Variants in HIVEP3 observed in about 807,000 individuals in gnomAD.
HIVEP3 encodes the protein transcription factor HIVEP3.
A neutral mutation model predicts 152.8 loss-of-function variants in HIVEP3; 49 were observed. The ratio of observed to expected loss-of-function variants is 0.32; its 90% confidence interval spans 0.26 to 0.41. The LOEUF (loss-of-function observed/expected upper bound fraction) is 0.41. Among genes scored for constraint, HIVEP3 ranks in the 10% least tolerant of loss-of-function variants. The probability of loss-of-function intolerance (pLI) is 1.00; values close to 1 mark genes in which losing one functional copy is unlikely to be tolerated. For missense variants in HIVEP3, 2,790 were observed against 3,103.3 expected, an observed-to-expected ratio of 0.90 and a Z score of 2.40; for synonymous variants, 1,269 against 1,289.0, an observed-to-expected ratio of 0.98 and a Z score of 0.33.
intron 1 of HIVEP3, among the ~76,000 whole-genome samples, chr1:41,881,508 G>GT (rs1230804457): frequency 6.6e-6 from 1 of 152,110 alleles, no homozygotes; most frequent in East Asian, 1.9e-4. Context: ...AAATTTTCTG[G>GT]TAAATACATA....
chr1:41,951,055 G>T (rs1645103883), intron 1 of HIVEP3, among the ~76,000 whole-genome samples: 1 of 152,204 alleles, frequency 6.6e-6, no homozygotes, highest in African/African-American at 2.4e-5. Flanking sequence ...TCCTGACTGT[G>T]CTGGAAATCC....
intron 3 of HIVEP3, among the ~76,000 whole-genome samples, chr1:41,612,913 C>A (rs1290570831): frequency 2.0e-5 from 3 of 152,186 alleles, no homozygotes; most frequent in Non-Finnish European, 2.9e-5. Flanking sequence ...ACCGATAAAC[C>A]ATGTTTCTTG....
In HIVEP3 at chr1:41,674,613, G is replaced by C. The variant is rs115130262; in HGVS notation, c.-721+26303C>G. Among the ~76,000 whole-genome samples, 193 of 152,258 alleles carry C rather than the reference G, an allele frequency of 1.3e-3. 1 individual carries two copies. Among genetic ancestry groups the C allele is most frequent in the South Asian group, 4.1e-3 (20 of 4,828 alleles). ...TTTGCAGTAGATCTGCCCGTCGATG[G>C]GTTTCCTATAATGGCCTATTCACAG... On this transcript the variant is annotated intron_variant, in intron 2 of 8. Coordinates refer to ENST00000372583, the MANE Select transcript of HIVEP3 (RefSeq NM_024503.5).
rs1340291689 is a variant in HIVEP3 at position 41,508,632 on chromosome 1, C to T, written c.*1819G>A. 1.3e-5 allele frequency: 2 copies of T among 152,420 alleles called. No individual in the cohort carries two copies. Among genetic ancestry groups the T allele is most frequent in the East Asian group, 1.9e-4 (1 of 5,198 alleles). 9.4% of individuals were successfully genotyped at this position (152,420 alleles called of 1,614,324 possible). On this transcript the variant is annotated 3_prime_UTR_variant, in exon 9 of 9. Transcript: ENST00000372583. The stretch of plus-strand genomic sequence containing the variant: ...GCAGGCTGGACTGTGGCTGGTTTGT[C>T]TGTCTAGTAGGGACCAAGCAGGGAA...
At position 41,662,562 on chromosome 1, in the gene HIVEP3, G is replaced by A. The variant is rs1395273447; in HGVS notation, c.-720-33615C>T. Among the ~76,000 whole-genome samples the A allele has an allele frequency of 1.3e-5, 2 of 151,008 alleles. No homozygotes were observed. The highest frequency in any genetic ancestry group is 3.0e-5 in the Non-Finnish European group (2 of 67,574). Reference sequence around the variant, plus strand: ...CACCCCGGGATGCCTTCGCGGCCGGGGTCGCAGATGGGCCCGGGCGCGGCT... The same window carrying A: ...CACCCCGGGATGCCTTCGCGGCCGGAGTCGCAGATGGGCCCGGGCGCGGCT... On this transcript the variant is annotated intron_variant, in intron 2 of 8. Coordinates refer to ENST00000372583, the MANE Select transcript of HIVEP3 (RefSeq NM_024503.5). This position sits in a 1 kb window ranked among gnomAD's most constrained non-coding sequence, Gnocchi z 7.2.
At chr1:41,912,773 T>C (rs1427289150) in intron 1 of HIVEP3, among the ~76,000 whole-genome samples, 2 of 152,202 alleles carry the variant, frequency 1.3e-5, no homozygotes, top group Non-Finnish European at 1.5e-5. Context: ...CTATGCCCAA[T>C]TCCCCTCATC....
At chr1:41,896,527 C>T (rs1644529433) in intron 1 of HIVEP3, among the ~76,000 whole-genome samples, 1 of 152,022 alleles carries the variant, frequency 6.6e-6, no homozygotes, top group African/African-American at 2.4e-5. Context: ...AGCTCCTTTC[C>T]AAGTTCCTTG....
intron 2 of HIVEP3, among the ~76,000 whole-genome samples, chr1:41,640,136 G>T (rs1645349870): frequency 6.6e-6 from 1 of 152,142 alleles, no homozygotes; most frequent in Non-Finnish European, 1.5e-5. Flanking sequence ...GCAGGGACAA[G>T]GAAGGGAGGT....
At chr1:41,711,316 T>C (rs1296318877) in intron 1 of HIVEP3, among the ~76,000 whole-genome samples, 1 of 152,230 alleles carries the variant, frequency 6.6e-6, no homozygotes, top group Non-Finnish European at 1.5e-5. Flanking sequence ...GCAGAGCCCA[T>C]GGCAGCATCC....
chr1:41,878,690 C>T (rs894654457), intron 1 of HIVEP3, among the ~76,000 whole-genome samples: 3 of 149,724 alleles, frequency 2.0e-5, no homozygotes, highest in Admixed American at 6.6e-5. Context: ...TTCCCTCCTC[C>T]CTCCTCCTCC....
chr1:41,802,516 C>T (rs1650366881), intron 1 of HIVEP3, among the ~76,000 whole-genome samples: 1 of 152,144 alleles, frequency 6.6e-6, no homozygotes, highest in African/African-American at 2.4e-5. Context: ...GCACCTGGCC[C>T]CAAGCTTTTT....
chr1:41,652,906 T>C (rs1161139618), intron 2 of HIVEP3, among the ~76,000 whole-genome samples: 1 of 152,208 alleles, frequency 6.6e-6, no homozygotes, highest in Non-Finnish European at 1.5e-5. Flanking sequence ...ATTTGTCACA[T>C]GAGCTTGGTT....
In HIVEP3 at chr1:41,581,226, A is replaced by G. The variant is rs774533492; in HGVS notation, c.3572T>C (p.Leu1191Pro). 3.8e-6 allele frequency: 6 copies of G among 1,574,656 alleles called. No homozygotes were observed. The highest frequency in any genetic ancestry group is 4.3e-6 in the Non-Finnish European group (5 of 1,160,184). The change falls in exon 4 of 9, where the codon CTT becomes CCT. Residue 1191 changes from leucine (L) to proline (P), a missense_variant. Transcript: ENST00000372583. The surrounding 1 kb of genome is among the most constrained non-coding windows in gnomAD (Gnocchi z 4.5). ...LPPSLFQAPPLPLQPTVLHPG... is the reference protein window; with the variant it reads ...LPPSLFQAPPPPLQPTVLHPG... ...GTGCAGAACAGTAGGCTGGAGAGGA[A>G]GCGGTGGGGCTTGAAATAAGGAGGG... is the stretch of plus-strand genomic sequence containing the variant.
Position 41,575,565 on chromosome 1 carries a change from C to T in HIVEP3, c.5186G>A (p.Arg1729Lys), listed in dbSNP as rs369125355. 2.5e-6 allele frequency: 4 copies of T among 1,614,046 alleles called. No homozygotes were observed. Among genetic ancestry groups the T allele is most frequent in the Non-Finnish European group, 3.4e-6 (4 of 1,180,030 alleles). Residue 1729 changes from arginine to lysine, a missense_variant, in exon 5 of 9, where the codon AGG becomes AAG. This residue lies in a region of HIVEP3 where 1,078 missense variants were observed against 1,165.3 expected (regional missense o/e 0.93). Coordinates refer to ENST00000372583, the MANE Select transcript of HIVEP3 (RefSeq NM_024503.5). ...TTACCCTCCTTCGAAGATTTTGATC[C>T]TCGCCGGCTCCCCTCTCTGGGAGGC... is the stretch of plus-strand genomic sequence containing the variant. ...APASQRGEPARIKIFEGGYKS... is the reference protein window; with the variant it reads ...APASQRGEPAKIKIFEGGYKS...
intron 1 of HIVEP3, among the ~76,000 whole-genome samples, chr1:41,701,651 A>C (rs560563836): frequency 6.6e-6 from 1 of 152,222 alleles, no homozygotes; most frequent in South Asian, 2.1e-4. Context: ...ATTTCTCCAA[A>C]CTCCTGATGG....
At chr1:41,761,677 G>A (rs1011193297) in intron 1 of HIVEP3, among the ~76,000 whole-genome samples, 1 of 152,172 alleles carries the variant, frequency 6.6e-6, no homozygotes, top group African/African-American at 2.4e-5. Flanking sequence ...GTATACATAA[G>A]TGTATGAGTA....
chr1:41,657,211 C>A (rs999772649), intron 2 of HIVEP3, among the ~76,000 whole-genome samples: 1 of 152,252 alleles, frequency 6.6e-6, no homozygotes, highest in Non-Finnish European at 1.5e-5. Context: ...GGTGTTTACA[C>A]CCCAATTGAC....
intron 2 of HIVEP3, among the ~76,000 whole-genome samples, chr1:41,663,644 G>C (rs1311870998): frequency 6.6e-6 from 1 of 152,184 alleles, no homozygotes; most frequent in Non-Finnish European, 1.5e-5. Context: ...CAGACCCCCA[G>C]CTTTAATGGA....
At chr1:41,870,460 T>A (rs74519501) in intron 1 of HIVEP3, among the ~76,000 whole-genome samples, 2,113 of 152,288 alleles carry the variant, frequency 0.014, 38 homozygotes, top group African/African-American at 0.048. Flanking sequence ...TGTATCTGAT[T>A]TGTCATTTCA....
Sources: allele counts gnomAD v4.1 joint callset (sites outside exome capture counted in the v4.1 genomes callset), GRCh38; gene constraint gnomAD v4.1.1; regional missense constraint gnomAD v4.1.1; non-coding constraint Gnocchi (gnomAD v3.1); transcripts MANE v1.5; gene names NCBI Gene and HGNC (gene_info 2026-07-23, HGNC 2026-07-21).